Variants in SLC1A1 observed in about 807,000 individuals in gnomAD.
The protein encoded by SLC1A1 is solute carrier family 1 member 1.
In SLC1A1, 43 loss-of-function variants were observed where a neutral mutation model predicts 53.3. That is an observed-to-expected ratio of 0.81 (90% CI 0.63 to 1.04). SLC1A1 has a LOEUF of 1.04. Among genes scored for constraint, SLC1A1 ranks in the 50% least tolerant of loss-of-function variants. The pLI is 0.00. For missense variants in SLC1A1, 748 were observed against 664.9 expected, an observed-to-expected ratio of 1.12 and a Z score of -1.37; for synonymous variants, 307 against 243.2, an observed-to-expected ratio of 1.26 and a Z score of -2.44.
At chr9:4,519,174 G>A (rs1340390519) in intron 1 of SLC1A1, among the ~76,000 whole-genome samples, 1 of 152,202 alleles carries the variant, frequency 6.6e-6, no homozygotes, top group Non-Finnish European at 1.5e-5. Flanking sequence ...ATCCTCCACT[G>A]GGAGTGTGTC....
intron 3 of SLC1A1, among the ~76,000 whole-genome samples, chr9:4,562,062 CTACTTT>C (rs1169984632): frequency 7.7e-6 from 1 of 129,348 alleles, no homozygotes; most frequent in Non-Finnish European, 1.6e-5. Context: ...CTGGCCCTAA[CTACTTT>C]TTTTTTTTTT....
rs1329817717 is a variant in SLC1A1 at position 4,496,549 on chromosome 9, G to GT, written c.91+5785dup. The stretch of plus-strand genomic sequence containing the variant: ...TTTGTTTTGTTTTTGTTTGTTTTTT[G>GT]TTTTTTAAGGAGACTTGAGTCTGAC... On this transcript the variant is annotated intron_variant, in intron 1 of 11. Transcript: ENST00000262352. Among the ~76,000 whole-genome samples the GT allele has an allele frequency of 2.0e-5, 3 of 151,968 alleles. No homozygotes were observed. In the East Asian group the frequency reaches 5.8e-4, roughly 29 times the overall value.
chr9:4,508,165 C>G (rs1044608793), intron 1 of SLC1A1, among the ~76,000 whole-genome samples: 8 of 152,002 alleles, frequency 5.3e-5, no homozygotes, highest in Admixed American at 3.9e-4. Context: ...GGAATGCAAA[C>G]AAGATGATAG....
intron 1 of SLC1A1, among the ~76,000 whole-genome samples, chr9:4,505,876 T>A (rs1171913841): frequency 6.6e-6 from 1 of 152,098 alleles, no homozygotes; most frequent in Non-Finnish European, 1.5e-5. Flanking sequence ...CAGAATGGAG[T>A]GCAGTGGCAC....
chr9:4,512,867 A>G (rs1306566922), intron 1 of SLC1A1, among the ~76,000 whole-genome samples: 1 of 152,062 alleles, frequency 6.6e-6, no homozygotes, highest in Non-Finnish European at 1.5e-5. Context: ...TGGGCTCAAG[A>G]AGTCCTCCTG....
chr9:4,583,853 TTC>T lies in SLC1A1; in HGVS notation c.1328+710_1328+711del, dbSNP rs373604899. On this transcript the variant is annotated intron_variant, in intron 11 of 11. Coordinates refer to ENST00000262352, the MANE Select transcript of SLC1A1 (RefSeq NM_004170.6). The surrounding 1 kb of genome is among the most constrained non-coding windows in gnomAD (Gnocchi z 4.6). Reference sequence around the variant, plus strand: ...CCATTCAGGCCCCAATCAACAACACTTCTCTCTCTCTCTCTCTCTCTCTCTCT... The same window carrying T: ...CCATTCAGGCCCCAATCAACAACACTTCTCTCTCTCTCTCTCTCTCTCTCT... 0.015 allele frequency among the ~76,000 whole-genome samples: 2,094 copies of T among 136,806 alleles called. 19 individuals are homozygous for T. Among genetic ancestry groups the T allele is most frequent in the African/African-American group, 0.02 (732 of 36,216 alleles). The allele number at this position is 136,806 out of a possible 152,430, so 89.8% of individuals were successfully genotyped here. A position where few individuals can be genotyped will look rare whatever the true frequency, so the allele number is the denominator to read the frequency against.
chr9:4,496,385 T>G (rs1318482909), intron 1 of SLC1A1, among the ~76,000 whole-genome samples: 1 of 151,896 alleles, frequency 6.6e-6, no homozygotes, highest in South Asian at 2.1e-4. Flanking sequence ...CCAGAGAGTA[T>G]TTTTCTTTCT....
chr9:4,532,732 G>A (rs561371291), intron 1 of SLC1A1, among the ~76,000 whole-genome samples: 32 of 152,156 alleles, frequency 2.1e-4, no homozygotes, highest in Non-Finnish European at 4.3e-4. Context: ...GATACTCCTC[G>A]AGAAGAGCAA....
chr9:4,576,233 A>C, intron 9 of SLC1A1, 110 bp downstream of exon 9: 1 of 1,044,594 alleles, frequency 9.6e-7, no homozygotes, highest in Non-Finnish European at 1.5e-6. Context: ...TGTCTTTGAG[A>C]AATGACCTCC....
intron 2 of SLC1A1, among the ~76,000 whole-genome samples, chr9:4,548,116 A>G (rs920203198): frequency 7.9e-5 from 12 of 152,076 alleles, no homozygotes; most frequent in African/African-American, 2.7e-4. Flanking sequence ...ATGGGGATGG[A>G]GTCTGGCCTG....
chr9:4,527,412 G>A (rs534218440), intron 1 of SLC1A1, among the ~76,000 whole-genome samples: 22 of 152,262 alleles, frequency 1.4e-4, no homozygotes, highest in African/African-American at 5.3e-4. Flanking sequence ...TAATGCAGTA[G>A]CTCTATCTAC....
intron 6 of SLC1A1, 26 bp downstream of exon 6, chr9:4,567,793 T>C (rs774530567): frequency 9.0e-5 from 124 of 1,372,188 alleles, no homozygotes; most frequent in Non-Finnish European, 1.2e-4. Context: ...CCTGTTCCTC[T>C]TCCCCAGGAG....
At chr9:4,532,188 G>A in intron 1 of SLC1A1, among the ~76,000 whole-genome samples, 1 of 152,178 alleles carries the variant, frequency 6.6e-6, no homozygotes, top group Non-Finnish European at 1.5e-5. Context: ...TACCAGCAAT[G>A]GAACAAAGCT....
chr9:4,577,844 G>T (rs1456100416), intron 10 of SLC1A1, among the ~76,000 whole-genome samples: 1 of 152,178 alleles, frequency 6.6e-6, no homozygotes, highest in Non-Finnish European at 1.5e-5. Flanking sequence ...CCAAATCTAG[G>T]AAACCAGTTA....
At chr9:4,516,353 G>C (rs752950274) in intron 1 of SLC1A1, among the ~76,000 whole-genome samples, 2 of 152,208 alleles carry the variant, frequency 1.3e-5, no homozygotes, top group Non-Finnish European at 2.9e-5. Context: ...AACAGGGCTG[G>C]CTGTGGGGAT....
chr9:4,541,203 A>G (rs1816974984), intron 1 of SLC1A1, among the ~76,000 whole-genome samples: 1 of 152,226 alleles, frequency 6.6e-6, no homozygotes, highest in Admixed American at 6.5e-5. Context: ...GAAATAATCA[A>G]AAGGATCAGA....
At chr9:4,585,281 C>T (rs768474956) in intron 11 of SLC1A1, 31 bp from the exon 12 acceptor site, 23 of 1,612,350 alleles carry the variant, frequency 1.4e-5, no homozygotes, top group Non-Finnish European at 1.9e-5. Flanking sequence ...AAATCTGGGC[C>T]TCCTGTCTGA....
intron 1 of SLC1A1, among the ~76,000 whole-genome samples, chr9:4,513,111 A>G (rs1821050532): frequency 6.6e-6 from 1 of 152,234 alleles, no homozygotes; most frequent in Non-Finnish European, 1.5e-5. Context: ...AGACTTTTAG[A>G]AGAAAACATA....
At chr9:4,581,833 T>C (rs914197178) in intron 10 of SLC1A1, among the ~76,000 whole-genome samples, 9 of 152,190 alleles carry the variant, frequency 5.9e-5, no homozygotes, top group Admixed American at 4.6e-4. Context: ...GTCAAAAAAC[T>C]CTGGCCTGTG....
Sources: gnomAD v4.1 joint callset for allele counts (sites outside exome capture counted in the v4.1 genomes callset) on GRCh38, gnomAD v4.1.1 for gene constraint, Gnocchi (gnomAD v3.1) non-coding constraint, MANE v1.5 for transcripts, NCBI Gene and HGNC (gene_info 2026-07-23, HGNC 2026-07-21) for gene names.